Variants in EPHA4 observed in about 807,000 individuals in gnomAD.
The protein encoded by EPHA4 is EPH receptor A4, also known as ephrin type-A receptor 4.
EPHA4 carries 19 observed loss-of-function variants against 108.3 expected under a neutral mutation model. That is an observed-to-expected ratio of 0.18 (90% CI 0.12 to 0.26). The LOEUF (loss-of-function observed/expected upper bound fraction) is 0.26, where lower values mean the gene tolerates loss of function less well. EPHA4 is among the 10% of genes least tolerant of loss of function. EPHA4 has a pLI of 1.00. For synonymous variants in EPHA4, 449 were observed against 455.5 expected (o/e 0.99, Z 0.18); for missense variants, 917 against 1,254.0 (o/e 0.73, Z 4.06).
chr2:221,487,167 T>A (rs1350195041), intron 4 of EPHA4, among the ~76,000 whole-genome samples: 1 of 152,226 alleles, frequency 6.6e-6, no homozygotes, highest in Non-Finnish European at 1.5e-5. Context: ...TATCTAGTGT[T>A]TATCACCTGC....
intron 3 of EPHA4, among the ~76,000 whole-genome samples, chr2:221,521,349 G>A (rs1057016624): frequency 2.0e-5 from 3 of 152,166 alleles, no homozygotes; most frequent in African/African-American, 7.2e-5. Context: ...AAGTAGAATT[G>A]AAACTGGACT....
At position 221,426,071 on chromosome 2, in the gene EPHA4, C is replaced by A. The variant is rs140023331; in HGVS notation, c.2918G>T (p.Arg973Leu). The change falls in exon 17 of 18, where the codon CGA becomes CTA. Residue 973 changes from arginine to leucine, a missense_variant. Arg to Leu is a moderately radical substitution (Grantham distance 102). Coordinates refer to ENST00000281821, the MANE Select transcript of EPHA4 (RefSeq NM_004438.5). Reference sequence around the variant, plus strand: ...GCCGTGCATCTGCTGCATTTGGGTTCGCATTGCCTGGACACTGCTCAAAAT... The same window carrying A: ...GCCGTGCATCTGCTGCATTTGGGTTAGCATTGCCTGGACACTGCTCAAAAT... ...NKILSSVQAM[R>L]TQMQQMHGRM... The A allele has an allele frequency of 6.2e-7, 1 of 1,613,894 alleles. No individual in the cohort carries two copies. Among genetic ancestry groups the A allele is most frequent in the African/African-American group, 1.3e-5 (1 of 74,856 alleles).
rs1008743257 is a variant in EPHA4, at chr2:221,418,664, G to C, written c.*2708C>G. ...GTAAGATTGCTAAAAAATAACTTGG[G>C]GCCTGCATACACAAGGTGAAGCTAC... is the stretch of plus-strand genomic sequence containing the variant. On this transcript the variant is annotated 3_prime_UTR_variant, in exon 18 of 18. Transcript: ENST00000281821. The C allele has an allele frequency of 6.6e-6, 1 of 152,326 alleles. No homozygotes were observed. Among genetic ancestry groups the C allele is most frequent in the African/African-American group, 2.4e-5 (1 of 41,404 alleles). 9.4% of individuals were successfully genotyped at this position (152,326 alleles called of 1,614,324 possible).
chr2:221,550,450 A>AGAGAGAGAGG (rs1694124050), intron 3 of EPHA4, among the ~76,000 whole-genome samples: 1 of 143,276 alleles, frequency 7.0e-6, no homozygotes, highest in Non-Finnish European at 1.5e-5. Flanking sequence ...AGAGAGAGAG[A>AGAGAGAGAGG]GAGAATGTAG....
chr2:221,474,106 T>C (rs751242907), intron 5 of EPHA4, among the ~76,000 whole-genome samples: 13 of 152,204 alleles, frequency 8.5e-5, no homozygotes, highest in Non-Finnish European at 2.9e-5. Flanking sequence ...ATGCAATAAT[T>C]ACCACTACGT....
At chr2:221,435,974 G>A (rs1364942887) in intron 13 of EPHA4, among the ~76,000 whole-genome samples, 3 of 150,970 alleles carry the variant, frequency 2.0e-5, no homozygotes, top group Non-Finnish European at 2.9e-5. Context: ...AGGAAGACAG[G>A]CAGGCAAATA....
intron 5 of EPHA4, among the ~76,000 whole-genome samples, chr2:221,461,255 T>C (rs899778057): frequency 6.6e-6 from 1 of 152,234 alleles, no homozygotes; most frequent in Admixed American, 6.5e-5. Flanking sequence ...TCATCTCTGA[T>C]GCCACCATTG....
intron 3 of EPHA4, among the ~76,000 whole-genome samples, chr2:221,562,089 A>G (rs1694484748): frequency 6.6e-6 from 1 of 152,218 alleles, no homozygotes. Flanking sequence ...TGGGTTACCA[A>G]TTCAGTACAG....
At chr2:221,440,733 T>C (rs993936389) in intron 11 of EPHA4, among the ~76,000 whole-genome samples, 1 of 152,156 alleles carries the variant, frequency 6.6e-6, no homozygotes, top group South Asian at 2.1e-4. Flanking sequence ...GTAACCACTC[T>C]AAGTATTCTA....
intron 3 of EPHA4, among the ~76,000 whole-genome samples, chr2:221,542,183 A>C (rs1024143608): frequency 6.6e-6 from 1 of 152,232 alleles, no homozygotes; most frequent in African/African-American, 2.4e-5. Context: ...AGAGTGAAGC[A>C]TTGTTCAACA....
At chr2:221,444,252 C>T (rs1237693557) in intron 9 of EPHA4, among the ~76,000 whole-genome samples, 2 of 152,180 alleles carry the variant, frequency 1.3e-5, no homozygotes, top group Admixed American at 1.3e-4. Context: ...AGCATTGTAG[C>T]CTAGACATCA....
At chr2:221,427,286 T>C (rs1426324074) in intron 15 of EPHA4, among the ~76,000 whole-genome samples, 2 of 152,214 alleles carry the variant, frequency 1.3e-5, no homozygotes, top group Non-Finnish European at 2.9e-5. Flanking sequence ...CGTATTCCCT[T>C]GCTGGGGTTC....
At chr2:221,462,665 G>A (rs1447399573) in intron 5 of EPHA4, among the ~76,000 whole-genome samples, 6 of 152,216 alleles carry the variant, frequency 3.9e-5, no homozygotes, top group Non-Finnish European at 8.8e-5. Context: ...TACTATTTAG[G>A]TTAACTGAGA....
At position 221,478,523 on chromosome 2, in the gene EPHA4, T is replaced by C. The variant is rs1471280328; in HGVS notation, c.1318+3829A>G. 2.0e-5 allele frequency among the ~76,000 whole-genome samples: 3 copies of C among 152,318 alleles called. No homozygotes were observed. In the East Asian group the frequency reaches 5.8e-4, roughly 29 times the overall value. ...GGCCTGTAATGTAGAAAAGTAACTA[T>C]TGGGGGAGCTCCAAGAGCTTCCTCT... On this transcript the variant is annotated intron_variant, in intron 5 of 17. Transcript: ENST00000281821.
chr2:221,538,274 G>GTA (rs1382718579), intron 3 of EPHA4, among the ~76,000 whole-genome samples: 1 of 152,142 alleles, frequency 6.6e-6, no homozygotes, highest in African/African-American at 2.4e-5. Context: ...GCATGTTAAT[G>GTA]TATTGTCAAT....
intron 3 of EPHA4, among the ~76,000 whole-genome samples, chr2:221,526,662 C>T (rs1309965414): frequency 6.6e-6 from 1 of 151,704 alleles, no homozygotes; most frequent in Non-Finnish European, 1.5e-5. Context: ...GCCTAGCCAA[C>T]TTGGTGAAAC....
At chr2:221,458,578 A>T (rs1217277533) in intron 5 of EPHA4, among the ~76,000 whole-genome samples, 2 of 152,216 alleles carry the variant, frequency 1.3e-5, no homozygotes, top group Non-Finnish European at 2.9e-5. Flanking sequence ...CAAATCAAGC[A>T]GTGCTGGTCT....
At chr2:221,564,909 A>AT (rs1174495700) in intron 2 of EPHA4, among the ~76,000 whole-genome samples, 1 of 147,672 alleles carries the variant, frequency 6.8e-6, no homozygotes, top group South Asian at 2.2e-4. Flanking sequence ...AAAAAAAAAA[A>AT]AAGGCAATTG....
intron 4 of EPHA4, among the ~76,000 whole-genome samples, chr2:221,500,053 G>C (rs893062047): frequency 6.6e-6 from 1 of 151,878 alleles, no homozygotes; most frequent in Non-Finnish European, 1.5e-5. Flanking sequence ...CACCGCTCCC[G>C]GCCAAAGCTA....
Sources: allele counts gnomAD v4.1 joint callset (sites outside exome capture counted in the v4.1 genomes callset), GRCh38; gene constraint gnomAD v4.1.1; transcripts MANE v1.5; gene names NCBI Gene and HGNC (gene_info 2026-07-23, HGNC 2026-07-21).